RYR3: variants seen among roughly 807,000 people sequenced by gnomAD.
RYR3 encodes the protein ryanodine receptor 3.
A neutral mutation model predicts 584.3 loss-of-function variants in RYR3; 207 were observed. That is an observed-to-expected ratio of 0.35 (90% CI 0.32 to 0.40). RYR3 has a LOEUF of 0.40. Among genes scored for constraint, RYR3 ranks in the 10% least tolerant of loss-of-function variants. The pLI is 1.00. For synonymous variants in RYR3, 2,416 were observed against 2,248.5 expected (o/e 1.07, Z -2.11); for missense variants, 5,616 against 6,089.2 (o/e 0.92, Z 2.59).
chr15:33,560,961 TAAAAGAAAA>T (rs2057369009), intron 10 of RYR3, among the ~76,000 whole-genome samples: 1 of 152,202 alleles, frequency 6.6e-6, no homozygotes, highest in Non-Finnish European at 1.5e-5. Flanking sequence ...CACACACATT[TAAAAGAAAA>T]AGAAATTTCT....
chr15:33,727,559 C>G (rs751014496), intron 46 of RYR3, among the ~76,000 whole-genome samples: 11 of 152,166 alleles, frequency 7.2e-5, no homozygotes, highest in Non-Finnish European at 1.0e-4. Context: ...AAAACACTAA[C>G]TAATATCCCA....
At chr15:33,864,967 C>CCAAA (rs1445840693) in intron 103 of RYR3, 164 bp from the exon 104 acceptor site, 10 of 560,494 alleles carry the variant, frequency 1.8e-5, no homozygotes, top group East Asian at 8.6e-5. Context: ...TTCTTGCTTC[C>CCAAA]CAAACAGCCT....
intron 1 of RYR3, among the ~76,000 whole-genome samples, chr15:33,451,184 C>T (rs916399931): frequency 6.6e-5 from 10 of 152,268 alleles, no homozygotes; most frequent in African/African-American, 1.9e-4. Flanking sequence ...AAGTGCCTGG[C>T]ACAGAGCTGG....
chr15:33,317,259 G>C (rs8028442), intron 1 of RYR3, among the ~76,000 whole-genome samples: 41,230 of 151,884 alleles, frequency 0.27, 8,938 homozygotes, highest in African/African-American at 0.61. Context: ...ACCAGAGCGG[G>C]TTTTTCTCCC....
chr15:33,486,840 C>T (rs1336473277), intron 2 of RYR3, among the ~76,000 whole-genome samples: 1 of 152,084 alleles, frequency 6.6e-6, no homozygotes, highest in Non-Finnish European at 1.5e-5. Flanking sequence ...AAGCAGGGTC[C>T]TTTGGGAGGA....
intron 42 of RYR3, 86 bp from the exon 43 acceptor site, chr15:33,706,833 A>G: frequency 1.5e-6 from 2 of 1,347,616 alleles, no homozygotes; most frequent in Non-Finnish European, 1.0e-6. Flanking sequence ...CTACATCCTC[A>G]ACCAACACTT....
intron 42 of RYR3, among the ~76,000 whole-genome samples, chr15:33,705,337 T>C (rs779632167): frequency 6.6e-5 from 10 of 152,186 alleles, no homozygotes; most frequent in Non-Finnish European, 1.3e-4. Flanking sequence ...ATTTTTATTA[T>C]ACTTGCAAAA....
At chr15:33,763,742 A>C (rs566838847) in intron 60 of RYR3, among the ~76,000 whole-genome samples, 2 of 152,052 alleles carry the variant, frequency 1.3e-5, no homozygotes, top group East Asian at 3.9e-4. Flanking sequence ...AGATACAAAA[A>C]ATTAGCCAGG....
intron 60 of RYR3, among the ~76,000 whole-genome samples, chr15:33,766,833 T>C (rs1053019527): frequency 5.3e-5 from 8 of 152,228 alleles, no homozygotes; most frequent in Admixed American, 4.6e-4. Flanking sequence ...ATTCCTTTCA[T>C]TTATTGTCTT....
Position 33,838,901 on chromosome 15 carries a change from T to C in RYR3, c.12921T>C (p.Ile4307=). ...EVGLGDLSEI[I]GKDEPPTLES... ...GTTTGGGTGACCTCTCAGAAATTAT[T>C]GGCAAGGATGAACCCCCTACATTAG... The change falls in exon 89 of 104, where the codon ATT becomes ATC. Residue 4307 remains isoleucine, a synonymous_variant. Coordinates refer to ENST00000634891, the MANE Select transcript of RYR3 (RefSeq NM_001036.6). 2.5e-6 allele frequency: 4 copies of C among 1,613,942 alleles called. No individual in the cohort carries two copies. Among genetic ancestry groups the C allele is most frequent in the Non-Finnish European group, 3.4e-6 (4 of 1,179,858 alleles).
rs1397106389 is a variant in RYR3, at chr15:33,722,912, C to G, written c.6800+17C>G. Reference sequence around the variant, plus strand: ...AAGAGAAGTGTAAGTGAATGGAATTCCCTTCCGGCACAGATACGGTTGGTG... The same window carrying G: ...AAGAGAAGTGTAAGTGAATGGAATTGCCTTCCGGCACAGATACGGTTGGTG... On this transcript the variant is annotated intron_variant, in intron 44 of 103. Transcript: ENST00000634891. 1.9e-6 allele frequency: 3 copies of G among 1,547,474 alleles called. No individual in the cohort carries two copies. The highest frequency in any genetic ancestry group is 2.6e-6 in the Non-Finnish European group (3 of 1,149,222).
At chr15:33,333,185 G>GA (rs745359060) in intron 1 of RYR3, among the ~76,000 whole-genome samples, 7 of 151,754 alleles carry the variant, frequency 4.6e-5, no homozygotes, top group Non-Finnish European at 1.0e-4. Flanking sequence ...AATGGAAAAG[G>GA]AGGGACTCTT....
At chr15:33,538,694 G>C (rs1300732631) in intron 5 of RYR3, among the ~76,000 whole-genome samples, 1 of 152,170 alleles carries the variant, frequency 6.6e-6, no homozygotes, top group Non-Finnish European at 1.5e-5. Flanking sequence ...GGTAGCTGGT[G>C]CTTCCAAGTC....
At chr15:33,857,053 A>G (rs543373635) in intron 98 of RYR3, among the ~76,000 whole-genome samples, 3 of 152,282 alleles carry the variant, frequency 2.0e-5, no homozygotes, top group Admixed American at 6.5e-5. Context: ...AACACAATGT[A>G]TCCCTCCTCA....
At chr15:33,692,106 C>G (rs1368293211) in intron 38 of RYR3, among the ~76,000 whole-genome samples, 1 of 152,202 alleles carries the variant, frequency 6.6e-6, no homozygotes, top group Non-Finnish European at 1.5e-5. Context: ...TGGTTATATG[C>G]ATTAATTACT....
chr15:33,803,705 G>A (rs2076037117), intron 69 of RYR3, among the ~76,000 whole-genome samples: 1 of 152,120 alleles, frequency 6.6e-6, no homozygotes, highest in Non-Finnish European at 1.5e-5. Context: ...AGTAGAGATG[G>A]AGTTTCGCCA....
rs1262658578 is a variant in RYR3, at chr15:33,651,471, T to A, written c.4143-1247T>A. Among the ~76,000 whole-genome samples the A allele has an allele frequency of 2.0e-5, 3 of 152,208 alleles. No individual in the cohort carries two copies. In the East Asian group the frequency reaches 5.8e-4, roughly 29 times the overall value. Reference sequence around the variant, plus strand: ...CAGGAAGCGAGCAGACCCATCATTGTCCCAAAGGAGAGGACAGGAGATTAA... The same window carrying A: ...CAGGAAGCGAGCAGACCCATCATTGACCCAAAGGAGAGGACAGGAGATTAA... On this transcript the variant is annotated intron_variant, in intron 31 of 103. Transcript: ENST00000634891.
chr15:33,725,826 C>T (rs1596323357), intron 45 of RYR3, among the ~76,000 whole-genome samples: 2 of 148,616 alleles, frequency 1.3e-5, no homozygotes, highest in East Asian at 4.0e-4. Flanking sequence ...AAAAATTAGC[C>T]AGGTGTGGTG....
chr15:33,753,626 T>C (rs952567113), intron 57 of RYR3, among the ~76,000 whole-genome samples: 1 of 152,154 alleles, frequency 6.6e-6, no homozygotes, highest in African/African-American at 2.4e-5. Context: ...TTCCTATAGA[T>C]TTTTTGCCAT....
Sources: gnomAD v4.1 joint callset for allele counts (sites outside exome capture counted in the v4.1 genomes callset) on GRCh38, gnomAD v4.1.1 for gene constraint, MANE v1.5 for transcripts, NCBI Gene and HGNC (gene_info 2026-07-23, HGNC 2026-07-21) for gene names.